DCC: variants seen among roughly 807,000 people sequenced by gnomAD.
The protein encoded by DCC is DCC netrin 1 receptor, also known as netrin receptor DCC.
Under a neutral mutation model 172.5 loss-of-function variants are expected in DCC, and 58 were observed. The ratio of observed to expected loss-of-function variants is 0.34; its 90% CI spans 0.27 to 0.42. The LOEUF is 0.42. Ranked by LOEUF, DCC falls within the 10% of genes least tolerant of loss-of-function variation. DCC has a pLI of 1.00. For missense variants in DCC, 1,740 were observed against 1,791.0 expected, an observed-to-expected ratio of 0.97 and a Z score of 0.51; for synonymous variants, 709 against 644.5, an observed-to-expected ratio of 1.10 and a Z score of -1.52.
chr18:53,357,556 A>G (rs2144922259), intron 15 of DCC, among the ~76,000 whole-genome samples: 1 of 152,358 alleles, frequency 6.6e-6, no homozygotes, highest in East Asian at 1.9e-4. Flanking sequence ...AACATTTATT[A>G]TTTTGAAACA....
chr18:52,770,156 T>G (rs1266873937), intron 2 of DCC, among the ~76,000 whole-genome samples: 1 of 152,176 alleles, frequency 6.6e-6, no homozygotes, highest in Non-Finnish European at 1.5e-5. Context: ...ATCCCTTCTC[T>G]CTCTTTTCCT....
At chr18:52,458,212 A>G (rs2144531358) in intron 1 of DCC, among the ~76,000 whole-genome samples, 1 of 152,276 alleles carries the variant, frequency 6.6e-6, no homozygotes, top group African/African-American at 2.4e-5. Context: ...TCTTGGTCCC[A>G]GTCACACGGC....
intron 2 of DCC, among the ~76,000 whole-genome samples, chr18:52,804,040 CCAGT>C (rs1473200633): frequency 6.6e-6 from 1 of 152,130 alleles, no homozygotes; most frequent in African/African-American, 2.4e-5. Context: ...TGTGTGGGTG[CCAGT>C]GGTGGCATGT....
At chr18:52,524,016 G>T (rs1393520348) in intron 1 of DCC, among the ~76,000 whole-genome samples, 1 of 152,054 alleles carries the variant, frequency 6.6e-6, no homozygotes, top group Non-Finnish European at 1.5e-5. Flanking sequence ...GTCTGATGTT[G>T]GTGTCTTGTC....
intron 9 of DCC, among the ~76,000 whole-genome samples, chr18:53,199,903 C>A (rs1304217118): frequency 1.3e-5 from 2 of 151,986 alleles, no homozygotes; most frequent in African/African-American, 4.8e-5. Flanking sequence ...ATTTGAAAAT[C>A]AGATCATAAA....
At position 52,749,193 on chromosome 18, in the gene DCC, C is replaced by CA. The variant is rs200932891; in HGVS notation, c.92-2853dup. ...GGAGACAGAGCCAGACTCCATCGCC[C>CA]AAAAAAAAGAAAAAAAAAAGAATTA... On this transcript the variant is annotated intron_variant, in intron 1 of 28. Transcript: ENST00000442544. 1.7e-3 allele frequency among the ~76,000 whole-genome samples: 256 copies of CA among 148,198 alleles called. No homozygotes were observed. In the East Asian group the frequency reaches 0.021, roughly 12 times the overall value.
intron 2 of DCC, among the ~76,000 whole-genome samples, chr18:52,787,084 T>G (rs1414648455): frequency 6.6e-6 from 1 of 152,102 alleles, no homozygotes; most frequent in African/African-American, 2.4e-5. Flanking sequence ...ATTAAAAGCT[T>G]TAAAAAGTTA....
intron 1 of DCC, among the ~76,000 whole-genome samples, chr18:52,681,374 T>C (rs1397900642): frequency 6.6e-6 from 1 of 152,120 alleles, no homozygotes; most frequent in African/African-American, 2.4e-5. Flanking sequence ...ATTTCCATGC[T>C]ATCAGGGAGA....
intron 12 of DCC, among the ~76,000 whole-genome samples, chr18:53,261,512 G>T (rs1246693106): frequency 6.6e-6 from 1 of 152,048 alleles, no homozygotes; most frequent in Non-Finnish European, 1.5e-5. Context: ...AACTTAATCT[G>T]ATAGGCTCAC....
chr18:52,981,291 G>T (rs113577858), intron 5 of DCC, among the ~76,000 whole-genome samples: 1,776 of 152,148 alleles, frequency 0.012, 27 homozygotes, highest in African/African-American at 0.039. Context: ...AACACTACTT[G>T]ATGGCTATTT....
At chr18:52,572,563 G>A (rs1200244829) in intron 1 of DCC, among the ~76,000 whole-genome samples, 2 of 152,198 alleles carry the variant, frequency 1.3e-5, no homozygotes, top group African/African-American at 2.4e-5. Flanking sequence ...GGCACCTGCA[G>A]TTGAGGGCCG....
intron 2 of DCC, among the ~76,000 whole-genome samples, chr18:52,770,882 C>T (rs2037329992): frequency 6.6e-6 from 1 of 152,194 alleles, no homozygotes; most frequent in Non-Finnish European, 1.5e-5. Context: ...ATTCAGGGTT[C>T]ATCTTCCTTC....
intron 1 of DCC, among the ~76,000 whole-genome samples, chr18:52,497,275 AAAAAAAT>A (rs1373008168): frequency 2.3e-5 from 1 of 44,286 alleles, no homozygotes; most frequent in African/African-American, 1.0e-4. Flanking sequence ...AAAAAAAAAA[AAAAAAAT>A]ATATATATAT....
intron 12 of DCC, among the ~76,000 whole-genome samples, chr18:53,226,827 A>C (rs2056036103): frequency 6.6e-6 from 1 of 151,324 alleles, no homozygotes; most frequent in East Asian, 1.9e-4. Context: ...ACATTTTATA[A>C]TCAGTCATTA....
chr18:52,543,712 CAGATAAAAACCAAAA>C (rs2032530177), intron 1 of DCC, among the ~76,000 whole-genome samples: 1 of 152,120 alleles, frequency 6.6e-6, no homozygotes, highest in Admixed American at 6.5e-5. Context: ...CCCCTCTGAA[CAGATAAAAACCAAAA>C]AGGTGCCCCT....
intron 1 of DCC, among the ~76,000 whole-genome samples, chr18:52,635,519 G>C (rs1311530892): frequency 5.3e-5 from 8 of 152,220 alleles, no homozygotes; most frequent in Non-Finnish European, 1.0e-4. Context: ...ATTTAAATTA[G>C]AAGGAAAAAC....
chr18:53,021,453 G>A (rs2041880471), intron 5 of DCC, among the ~76,000 whole-genome samples: 1 of 152,188 alleles, frequency 6.6e-6, no homozygotes, highest in Non-Finnish European at 1.5e-5. Context: ...GAAGTCAAGT[G>A]AGGGTGACAG....
At chr18:53,223,207 A>T (rs2055970409) in intron 12 of DCC, among the ~76,000 whole-genome samples, 1 of 152,140 alleles carries the variant, frequency 6.6e-6, no homozygotes, top group African/African-American at 2.4e-5. Flanking sequence ...TTCATATTTC[A>T]TATACATAAA....
chr18:53,441,232 T>G (rs575386390), intron 22 of DCC, among the ~76,000 whole-genome samples: 1 of 152,156 alleles, frequency 6.6e-6, no homozygotes, highest in Non-Finnish European at 1.5e-5. Flanking sequence ...AAGTGTCCCA[T>G]TGTCAGATAA....
Sources: allele counts gnomAD v4.1 joint callset (sites outside exome capture counted in the v4.1 genomes callset), GRCh38; gene constraint gnomAD v4.1.1; transcripts MANE v1.5; gene names NCBI Gene and HGNC (gene_info 2026-07-23, HGNC 2026-07-21).